The following SLX4IP variants were observed in gnomAD, a reference collection of about 807,000 sequenced individuals.
SLX4IP encodes the protein SLX4 interacting protein, also known as protein SLX4IP.
In SLX4IP, 34 loss-of-function variants were observed where a neutral mutation model predicts 32.9. The ratio of observed to expected loss-of-function variants is 1.03; its 90% CI spans 0.79 to 1.38. SLX4IP has a LOEUF of 1.38. Ranked by LOEUF, SLX4IP falls within the 40% of genes most tolerant of loss-of-function variation. The probability of loss-of-function intolerance (pLI) is 0.00; values close to 1 mark genes in which losing one functional copy is unlikely to be tolerated. For synonymous variants in SLX4IP, 172 were observed against 171.7 expected, an observed-to-expected ratio of 1.00 and a Z score of -0.01; for missense variants, 444 against 479.0, an observed-to-expected ratio of 0.93 and a Z score of 0.68.
chr20:10,553,365 G>A (rs1489491126), intron 2 of SLX4IP, among the ~76,000 whole-genome samples: 2 of 152,090 alleles, frequency 1.3e-5, no homozygotes, highest in African/African-American at 2.4e-5. Flanking sequence ...TTTTTCTTTC[G>A]TTAAGATAAC....
intron 2 of SLX4IP, among the ~76,000 whole-genome samples, chr20:10,518,537 CCTTCCTTCCTTCCTTT>C (rs1433821046): frequency 7.5e-5 from 7 of 93,356 alleles, no homozygotes; most frequent in African/African-American, 2.6e-4. Context: ...TTCCTTCCTT[CCTTCCTTCCTTCCTTT>C]CCTTCTTTCT....
intron 2 of SLX4IP, among the ~76,000 whole-genome samples, chr20:10,487,015 C>T (rs571338005): frequency 7.3e-5 from 11 of 151,598 alleles, no homozygotes; most frequent in African/African-American, 1.7e-4. Flanking sequence ...GTTTTTTGGG[C>T]GTTCACATCT....
intron 4 of SLX4IP, among the ~76,000 whole-genome samples, chr20:10,576,783 T>A (rs1425113007): frequency 6.6e-6 from 1 of 152,168 alleles, no homozygotes; most frequent in Non-Finnish European, 1.5e-5. Context: ...TATAAGTTGC[T>A]GCTAAAGAAA....
chr20:10,441,266 TCTCTACAAAAAATACAAAA>T (rs756118150), intron 1 of SLX4IP, among the ~76,000 whole-genome samples: 9 of 151,972 alleles, frequency 5.9e-5, no homozygotes, highest in Admixed American at 2.6e-4. Context: ...CGAAACCTCA[TCTCTACAAAAAATACAAAA>T]ATTAGCTGGG....
chr20:10,610,720 T>C (rs1490798101), intron 6 of SLX4IP, among the ~76,000 whole-genome samples: 1 of 152,254 alleles, frequency 6.6e-6, no homozygotes, highest in Non-Finnish European at 1.5e-5. Context: ...ATTCATGCGA[T>C]GCCACTTTTC....
At chr20:10,616,414 A>T (rs1282992827) in intron 6 of SLX4IP, among the ~76,000 whole-genome samples, 3 of 151,474 alleles carry the variant, frequency 2.0e-5, no homozygotes, top group Non-Finnish European at 4.4e-5. Context: ...AAATAAATAA[A>T]TAAATAAATA....
At chr20:10,568,617 A>G (rs968613279) in intron 4 of SLX4IP, among the ~76,000 whole-genome samples, 3 of 152,238 alleles carry the variant, frequency 2.0e-5, no homozygotes, top group Admixed American at 2.0e-4. Flanking sequence ...CAGGTTTCTC[A>G]TGGCGGCAGA....
At chr20:10,520,481 G>A (rs777888056) in intron 2 of SLX4IP, among the ~76,000 whole-genome samples, 2 of 152,136 alleles carry the variant, frequency 1.3e-5, no homozygotes, top group African/African-American at 4.8e-5. Context: ...TTACTTTCTT[G>A]CTGGTGTGCT....
intron 4 of SLX4IP, among the ~76,000 whole-genome samples, chr20:10,574,934 AAG>A (rs1282113564): frequency 6.6e-6 from 1 of 151,968 alleles, no homozygotes; most frequent in African/African-American, 2.4e-5. Flanking sequence ...TGGCCTCCAA[AAG>A]TGCTGGGATT....
intron 2 of SLX4IP, among the ~76,000 whole-genome samples, chr20:10,469,257 G>GT (rs1270287426): frequency 1.3e-5 from 2 of 151,764 alleles, no homozygotes; most frequent in Non-Finnish European, 2.9e-5. Flanking sequence ...TTTCTTACTG[G>GT]TCTTTTTTTC....
In SLX4IP at chr20:10,625,459, A is replaced by C. The variant is rs571516495; in HGVS notation, c.*2080A>C. ...CCACCAGAGAACATTTCTATTGAGAAGTTTTTATTTGTTTGTTCTGTTGGT... is the reference window on the plus strand; with the variant it reads ...CCACCAGAGAACATTTCTATTGAGACGTTTTTATTTGTTTGTTCTGTTGGT... On this transcript the variant is annotated 3_prime_UTR_variant, in exon 8 of 8. Transcript: ENST00000334534. 30 of 152,302 alleles carry C rather than the reference A, an allele frequency of 2.0e-4. No individual in the cohort carries two copies. Among genetic ancestry groups the C allele is most frequent in the African/African-American group, 6.3e-4 (26 of 41,562 alleles). The allele number at this position is 152,302 out of a possible 1,614,324, so 9.4% of individuals were successfully genotyped here.
intron 3 of SLX4IP, 49 bp downstream of exon 3, chr20:10,556,369 T>A: frequency 6.5e-7 from 1 of 1,530,442 alleles, no homozygotes; most frequent in Non-Finnish European, 9.0e-7. Context: ...GCTGCTGCTA[T>A]AAGAAATATC....
At chr20:10,582,771 A>G (rs770490756) in intron 4 of SLX4IP, among the ~76,000 whole-genome samples, 10 of 152,190 alleles carry the variant, frequency 6.6e-5, no homozygotes, top group Non-Finnish European at 1.3e-4. Context: ...ATTATTCTAA[A>G]GATTATAGTT....
At chr20:10,453,131 A>C (rs1166951657) in intron 1 of SLX4IP, among the ~76,000 whole-genome samples, 1 of 152,226 alleles carries the variant, frequency 6.6e-6, no homozygotes, top group Non-Finnish European at 1.5e-5. Flanking sequence ...AATGTTTGCT[A>C]TTATAACTAT....
intron 2 of SLX4IP, among the ~76,000 whole-genome samples, chr20:10,532,732 A>G (rs2066000366): frequency 6.6e-6 from 1 of 152,030 alleles, no homozygotes; most frequent in Non-Finnish European, 1.5e-5. Flanking sequence ...ATTCATACTG[A>G]ATAGAAAAGC....
chr20:10,499,293 A>G (rs1430101812), intron 2 of SLX4IP, among the ~76,000 whole-genome samples: 1 of 152,216 alleles, frequency 6.6e-6, no homozygotes, highest in East Asian at 1.9e-4. Context: ...AAGAACCCCA[A>G]CATACATACA....
intron 1 of SLX4IP, among the ~76,000 whole-genome samples, chr20:10,454,249 G>C (rs2065266713): frequency 2.0e-5 from 3 of 152,124 alleles, no homozygotes; most frequent in Non-Finnish European, 4.4e-5. Flanking sequence ...TTATGGATGT[G>C]GACTTCACTT....
At chr20:10,454,988 A>T (rs13043105) in intron 1 of SLX4IP, among the ~76,000 whole-genome samples, 4 of 152,148 alleles carry the variant, frequency 2.6e-5, no homozygotes, top group Non-Finnish European at 5.9e-5. Flanking sequence ...TTTGCATTTG[A>T]TGGCTAATGA....
chr20:10,494,869 C>T (rs2065653449), intron 2 of SLX4IP, among the ~76,000 whole-genome samples: 1 of 152,050 alleles, frequency 6.6e-6, no homozygotes, highest in African/African-American at 2.4e-5. Context: ...GAGAGATGGC[C>T]ATCAAGGGGT....
Sources: allele counts gnomAD v4.1 joint callset (sites outside exome capture counted in the v4.1 genomes callset), GRCh38; gene constraint gnomAD v4.1.1; transcripts MANE v1.5; gene names NCBI Gene and HGNC (gene_info 2026-07-23, HGNC 2026-07-21).